The following FIGN variants were observed in gnomAD, a reference collection of about 807,000 sequenced individuals.
The protein encoded by FIGN is fidgetin, microtubule severing factor.
Under a neutral mutation model 51.3 loss-of-function variants are expected in FIGN, and 11 were observed. The ratio of observed to expected loss-of-function variants is 0.21; its 90% CI spans 0.13 to 0.35. The LOEUF is 0.35. FIGN is among the 10% of genes least tolerant of loss of function. The pLI is 1.00. For synonymous variants in FIGN, 407 were observed against 363.2 expected, an observed-to-expected ratio of 1.12 and a Z score of -1.37; for missense variants, 857 against 943.6, an observed-to-expected ratio of 0.91 and a Z score of 1.20.
chr2:163,648,097 G>A (rs930487482), intron 2 of FIGN, among the ~76,000 whole-genome samples: 1 of 152,070 alleles, frequency 6.6e-6, no homozygotes, highest in South Asian at 2.1e-4. Flanking sequence ...AGGTCAAAGA[G>A]CTACTACTTG....
intron 2 of FIGN, among the ~76,000 whole-genome samples, chr2:163,632,386 C>T (rs1196056915): frequency 1.3e-5 from 2 of 152,162 alleles, no homozygotes; most frequent in East Asian, 3.9e-4. Flanking sequence ...TCTCTACCAT[C>T]CCATAGCATA....
intron 2 of FIGN, among the ~76,000 whole-genome samples, chr2:163,687,252 TG>T (rs1401479680): frequency 6.6e-6 from 1 of 152,154 alleles, no homozygotes; most frequent in Non-Finnish European, 1.5e-5. Flanking sequence ...TTGAAGGAAT[TG>T]TGTCTAAACT....
chr2:163,611,221 G>C lies in FIGN; in HGVS notation c.611C>G (p.Pro204Arg). The change falls in exon 3 of 3, where the codon CCT (proline) becomes CGT (arginine). Residue 204 changes from proline (P) to arginine (R), a missense_variant. Coordinates refer to ENST00000333129, the MANE Select transcript of FIGN (RefSeq NM_018086.4). ...AGACGGATGAGGTGAAGGAAGTGCA[G>C]GTGCTGGCTGGCTACTATAAGTAGA... ...LHSTYSSQPA[P>R]ALPSPHPSPL... 1.2e-6 allele frequency: 2 copies of C among 1,614,120 alleles called. No individual in the cohort carries two copies. Among genetic ancestry groups the C allele is most frequent in the South Asian group, 2.2e-5 (2 of 91,080 alleles).
At position 163,717,016 on chromosome 2, in the gene FIGN, C is replaced by A. The variant is rs199977286; in HGVS notation, c.25+17887G>T. 6.5e-4 allele frequency among the ~76,000 whole-genome samples: 99 copies of A among 152,288 alleles called. 1 individual carries two copies. The highest frequency in any genetic ancestry group is 2.1e-3 in the African/African-American group (88 of 41,566). ...TTTTATTACAATTTTGCACCACTTG[C>A]CTTCTCCAAACACCCCTTAGAACTA... On this transcript the variant is annotated intron_variant, in intron 2 of 2. Transcript: ENST00000333129.
chr2:163,729,812 G>T (rs1175985862), intron 2 of FIGN, among the ~76,000 whole-genome samples: 1 of 152,152 alleles, frequency 6.6e-6, no homozygotes, highest in East Asian at 1.9e-4. Context: ...CATCTAAATT[G>T]AAATTCTCCT....
intron 2 of FIGN, among the ~76,000 whole-genome samples, chr2:163,626,100 A>C (rs770884814): frequency 6.6e-6 from 1 of 152,130 alleles, no homozygotes; most frequent in Non-Finnish European, 1.5e-5. Context: ...TTTCTGAATC[A>C]ATAGGGCCAT....
At chr2:163,681,673 T>C (rs1232358260) in intron 2 of FIGN, among the ~76,000 whole-genome samples, 2 of 152,218 alleles carry the variant, frequency 1.3e-5, no homozygotes, top group African/African-American at 4.8e-5. Flanking sequence ...TCTTTGTGTC[T>C]GTGTATGTGT....
intron 2 of FIGN, among the ~76,000 whole-genome samples, chr2:163,712,145 C>A (rs1478888238): frequency 6.6e-6 from 1 of 152,100 alleles, no homozygotes; most frequent in Non-Finnish European, 1.5e-5. Context: ...AACCCTATTT[C>A]ACAAGTGAGA....
At chr2:163,624,706 A>ATTT (rs1359391782) in intron 2 of FIGN, among the ~76,000 whole-genome samples, 5 of 133,804 alleles carry the variant, frequency 3.7e-5, no homozygotes, top group African/African-American at 1.4e-4. Flanking sequence ...ATATATATAT[A>ATTT]TATTTTTTTT....
At position 163,617,104 on chromosome 2, in the gene FIGN, C is replaced by T. The variant is rs1287948776; in HGVS notation, c.26-5298G>A. On this transcript the variant is annotated intron_variant, in intron 2 of 2. Coordinates refer to ENST00000333129, the MANE Select transcript of FIGN (RefSeq NM_018086.4). ...GCCAACACAGCATTATCTAGTATTACTAGTACTAACTCATTTGATCTGGAA... is the reference window on the plus strand; with the variant it reads ...GCCAACACAGCATTATCTAGTATTATTAGTACTAACTCATTTGATCTGGAA... The T allele has an allele frequency of 4.1e-6, 4 of 985,064 alleles. No individual in the cohort carries two copies. In the African/African-American group the frequency reaches 7.0e-5, roughly 17 times the overall value. 61.0% of individuals were successfully genotyped at this position (985,064 alleles called of 1,614,324 possible).
At chr2:163,659,549 T>C (rs1270023965) in intron 2 of FIGN, among the ~76,000 whole-genome samples, 4 of 152,188 alleles carry the variant, frequency 2.6e-5, no homozygotes, top group Admixed American at 6.5e-5. Flanking sequence ...AATGAAACCC[T>C]AAGTCCCATC....
intron 2 of FIGN, among the ~76,000 whole-genome samples, chr2:163,716,353 T>C (rs1025829735): frequency 3.3e-5 from 5 of 152,190 alleles, no homozygotes; most frequent in African/African-American, 1.2e-4. Context: ...ACATTGGCAC[T>C]ACCTTTAAAA....
intron 2 of FIGN, among the ~76,000 whole-genome samples, chr2:163,725,826 C>T (rs552360383): frequency 3.9e-4 from 59 of 152,034 alleles, no homozygotes; most frequent in Non-Finnish European, 6.8e-4. Flanking sequence ...TTTTGTAATA[C>T]TTTAACTGCC....
intron 2 of FIGN, among the ~76,000 whole-genome samples, chr2:163,655,844 G>A (rs931526896): frequency 4.6e-5 from 7 of 150,762 alleles, no homozygotes; most frequent in Non-Finnish European, 8.8e-5. Context: ...CATTTGCAAA[G>A]ATAAGTCCTA....
At chr2:163,734,030 C>T (rs899533094) in intron 2 of FIGN, among the ~76,000 whole-genome samples, 5 of 151,442 alleles carry the variant, frequency 3.3e-5, no homozygotes, top group Middle Eastern at 3.4e-3. Context: ...TTGTTGTTCC[C>T]TCTGTCTTAA....
At chr2:163,652,347 CACACACACACACAA>C (rs1169075447) in intron 2 of FIGN, among the ~76,000 whole-genome samples, 80 of 128,972 alleles carry the variant, frequency 6.2e-4, no homozygotes, top group African/African-American at 1.2e-3. Flanking sequence ...TTAACCAACA[CACACACACACACAA>C]ACACACACAC....
intron 2 of FIGN, among the ~76,000 whole-genome samples, chr2:163,694,363 A>G (rs980403950): frequency 6.6e-6 from 1 of 152,206 alleles, no homozygotes; most frequent in Admixed American, 6.5e-5. Context: ...CCTCTTCAAT[A>G]TTCATAATAC....
intron 2 of FIGN, among the ~76,000 whole-genome samples, chr2:163,643,958 A>AAAAAAAG (rs1270596923): frequency 6.8e-6 from 1 of 146,856 alleles, no homozygotes; most frequent in Non-Finnish European, 1.5e-5. Flanking sequence ...AAAAAAAAAA[A>AAAAAAAG]GTCAGAATGG....
At position 163,610,447 on chromosome 2, in the gene FIGN, T is replaced by C. The variant is rs1691216396; in HGVS notation, c.1385A>G (p.Lys462Arg). The C allele has an allele frequency of 6.2e-7, 1 of 1,614,124 alleles. No individual in the cohort carries two copies. ...SSNHSVDEQL[K>R]NTDTHLIDLV... Reference sequence around the variant, plus strand: ...GTCGATGAGGTGCGTGTCAGTATTCTTCAGTTGCTCGTCCACAGAGTGGTT... The same window carrying C: ...GTCGATGAGGTGCGTGTCAGTATTCCTCAGTTGCTCGTCCACAGAGTGGTT... The change falls in exon 3 of 3, where the codon AAG (lysine) becomes AGG (arginine). Residue 462 changes from lysine to arginine, a missense_variant. Physicochemically the swap from Lys to Arg is conservative, Grantham distance 26. This residue lies in a region of FIGN where 799 missense variants were observed against 849.5 expected (regional missense o/e 0.94). Coordinates refer to ENST00000333129, the MANE Select transcript of FIGN (RefSeq NM_018086.4).
Sources: allele counts gnomAD v4.1 joint callset (sites outside exome capture counted in the v4.1 genomes callset), GRCh38; gene constraint gnomAD v4.1.1; regional missense constraint gnomAD v4.1.1; transcripts MANE v1.5; gene names NCBI Gene and HGNC (gene_info 2026-07-23, HGNC 2026-07-21).